PARD6G: variants seen among roughly 807,000 people sequenced by gnomAD.
PARD6G encodes the protein par-6 family cell polarity regulator gamma, also known as partitioning defective 6 homolog gamma.
Under a neutral mutation model 10.7 loss-of-function variants are expected in PARD6G, and 7 were observed. The observed-to-expected ratio is 0.66, with a 90% CI of 0.37 to 1.23. The LOEUF (loss-of-function observed/expected upper bound fraction) is 1.23. PARD6G is among the 50% of genes most tolerant of loss of function. The pLI is 0.02. For synonymous variants in PARD6G, 287 were observed against 269.4 expected (o/e 1.07, Z -0.64); for missense variants, 548 against 571.8 (o/e 0.96, Z 0.42).
At position 80,186,371 on chromosome 18, in the gene PARD6G, C is replaced by CCTCACACATGCTCGCACACCCT. The variant is rs111510906; in HGVS notation, c.295+16338_295+16339insAGGGTGTGCGAGCATGTGTGAG. Among the ~76,000 whole-genome samples, 60 of 131,218 alleles carry CCTCACACATGCTCGCACACCCT rather than the reference C, an allele frequency of 4.6e-4. 2 individuals carry two copies. The highest frequency in any genetic ancestry group is 7.9e-4 in the Non-Finnish European group (51 of 64,504). The allele number at this position is 131,218 out of a possible 152,430, so 86.1% of individuals were successfully genotyped here. On this transcript the variant is annotated intron_variant, in intron 2 of 2. Coordinates refer to ENST00000353265, the MANE Select transcript of PARD6G (RefSeq NM_032510.4). ...TGCACCCTCACACATGCTCGCACACCCACACATGCTCGCACACCCTCACAC... is the reference window on the plus strand; with the variant it reads ...TGCACCCTCACACATGCTCGCACACCCTCACACATGCTCGCACACCCTCACACATGCTCGCACACCCTCACAC...
intron 2 of PARD6G, among the ~76,000 whole-genome samples, chr18:80,179,822 T>C (rs1231702750): frequency 6.6e-6 from 1 of 152,238 alleles, no homozygotes; most frequent in African/African-American, 2.4e-5. Flanking sequence ...ACTGTTATTA[T>C]CAAAAGCAAA....
intron 1 of PARD6G, among the ~76,000 whole-genome samples, chr18:80,219,043 T>C (rs1967201226): frequency 6.6e-6 from 1 of 152,218 alleles, no homozygotes; most frequent in Non-Finnish European, 1.5e-5. Flanking sequence ...GAAACCACTT[T>C]TCTCTCCTAG....
intron 2 of PARD6G, among the ~76,000 whole-genome samples, chr18:80,197,085 C>T (rs1966964055): frequency 6.6e-6 from 1 of 152,074 alleles, no homozygotes; most frequent in African/African-American, 2.4e-5. Flanking sequence ...TCTTCCCTGC[C>T]CCCAAGAAAC....
intron 1 of PARD6G, among the ~76,000 whole-genome samples, chr18:80,221,103 G>C (rs1449170982): frequency 6.6e-6 from 1 of 151,970 alleles, no homozygotes; most frequent in Admixed American, 6.5e-5. Context: ...ACTTTTCTTA[G>C]TCCAGACCCA....
intron 1 of PARD6G, among the ~76,000 whole-genome samples, chr18:80,208,738 G>A (rs932430722): frequency 2.6e-5 from 4 of 151,504 alleles, no homozygotes; most frequent in African/African-American, 9.7e-5. Context: ...CCTTGTTTAT[G>A]TTAAAAAAAA....
Position 80,192,043 on chromosome 18 carries a change from A to C in PARD6G, c.295+10667T>G, listed in dbSNP as rs1435619043. 1.3e-5 allele frequency among the ~76,000 whole-genome samples: 2 copies of C among 152,202 alleles called. No homozygotes were observed. Among genetic ancestry groups the C allele is most frequent in the Admixed American group, 6.5e-5 (1 of 15,286 alleles). ...ACCTTGATGATTCTGAACATCAAAA[A>C]CGTGTACTTTCATGTTTTCAATGTA... On this transcript the variant is annotated intron_variant, in intron 2 of 2. Coordinates refer to ENST00000353265, the MANE Select transcript of PARD6G (RefSeq NM_032510.4). This position sits in a 1 kb window ranked among gnomAD's most constrained non-coding sequence, Gnocchi z 4.9.
At chr18:80,172,184 G>A (rs897597807) in intron 2 of PARD6G, among the ~76,000 whole-genome samples, 1 of 152,130 alleles carries the variant, frequency 6.6e-6, no homozygotes, top group Non-Finnish European at 1.5e-5. Context: ...CCACATTCTT[G>A]ACAATACTTG....
At position 80,159,135 on chromosome 18, in the gene PARD6G, GCC is replaced by G. The variant is rs2052676377; in HGVS notation, c.*634_*635del. Reference sequence around the variant, plus strand: ...TCCCAAGGTAGCTGGGATTACAGGCGCCTGCCACCACACCTGGCTAATTTTTA... The same window carrying G: ...TCCCAAGGTAGCTGGGATTACAGGCGTGCCACCACACCTGGCTAATTTTTA... On this transcript the variant is annotated 3_prime_UTR_variant, in exon 3 of 3. Transcript: ENST00000353265. 2.0e-5 allele frequency: 3 copies of G among 151,930 alleles called. No homozygotes were observed. Among genetic ancestry groups the G allele is most frequent in the African/African-American group, 7.3e-5 (3 of 41,338 alleles). The allele number at this position is 151,930 out of a possible 1,614,324, so 9.4% of individuals were successfully genotyped here.
chr18:80,191,548 A>C (rs1966897126), intron 2 of PARD6G, among the ~76,000 whole-genome samples: 1 of 152,212 alleles, frequency 6.6e-6, no homozygotes, highest in Admixed American at 6.5e-5. Flanking sequence ...CAGATGATAG[A>C]TTGCAGGCAG....
At chr18:80,194,400 C>T (rs1460393416) in intron 2 of PARD6G, among the ~76,000 whole-genome samples, 1 of 152,148 alleles carries the variant, frequency 6.6e-6, no homozygotes, top group Non-Finnish European at 1.5e-5. Context: ...CAATGTTTGA[C>T]CTTTCTTGAA....
Position 80,188,844 on chromosome 18 carries a change from G to A in PARD6G, c.295+13866C>T, listed in dbSNP as rs975863869. Among the ~76,000 whole-genome samples, 3 of 152,318 alleles carry A rather than the reference G, an allele frequency of 2.0e-5. No homozygotes were observed. Among genetic ancestry groups the A allele is most frequent in the Non-Finnish European group, 4.4e-5 (3 of 68,034 alleles). On this transcript the variant is annotated intron_variant, in intron 2 of 2. Transcript: ENST00000353265. This position sits in a 1 kb window ranked among gnomAD's most constrained non-coding sequence, Gnocchi z 5.4. ...AGATGGGCTTGCGGGGAAGTCAGGCGGGTGCAATCCCTACCGTTTCCCCAC... is the reference window on the plus strand; with the variant it reads ...AGATGGGCTTGCGGGGAAGTCAGGCAGGTGCAATCCCTACCGTTTCCCCAC...
At chr18:80,176,900 C>T (rs2052811127) in intron 2 of PARD6G, among the ~76,000 whole-genome samples, 1 of 151,986 alleles carries the variant, frequency 6.6e-6, no homozygotes, top group Non-Finnish European at 1.5e-5. Context: ...AGCACGCACA[C>T]ACACATACAC....
At chr18:80,239,941 G>A (rs1446174532) in intron 1 of PARD6G, among the ~76,000 whole-genome samples, 3 of 151,838 alleles carry the variant, frequency 2.0e-5, no homozygotes, top group Non-Finnish European at 2.9e-5. Context: ...GCTTCTGGCT[G>A]CTTCTACTCA....
At position 80,189,976 on chromosome 18, in the gene PARD6G, C is replaced by G. The variant is rs555611678; in HGVS notation, c.295+12734G>C. Among the ~76,000 whole-genome samples the G allele has an allele frequency of 6.6e-6, 1 of 152,146 alleles. No homozygotes were observed. The highest frequency in any genetic ancestry group is 2.4e-5 in the African/African-American group (1 of 41,416). On this transcript the variant is annotated intron_variant, in intron 2 of 2. Transcript: ENST00000353265. The surrounding 1 kb of genome is among the most constrained non-coding windows in gnomAD (Gnocchi z 5.5). Reference sequence around the variant, plus strand: ...CAGTGTTGTGTAACCACCACCACCACCTAATTCTGGAACACTTCATCACCC... The same window carrying G: ...CAGTGTTGTGTAACCACCACCACCAGCTAATTCTGGAACACTTCATCACCC...
intron 1 of PARD6G, among the ~76,000 whole-genome samples, chr18:80,219,050 C>G (rs1458145133): frequency 6.6e-6 from 1 of 152,242 alleles, no homozygotes; most frequent in Non-Finnish European, 1.5e-5. Context: ...CTTTTCTCTC[C>G]TAGGCCTCCA....
chr18:80,177,216 G>GCA (rs1491357384), intron 2 of PARD6G, among the ~76,000 whole-genome samples: 3 of 48,168 alleles, frequency 6.2e-5, no homozygotes, highest in African/African-American at 3.8e-4. Context: ...TAAATGGGAA[G>GCA]CGCACACACA....
chr18:80,199,657 T>C (rs1467227718), intron 2 of PARD6G, among the ~76,000 whole-genome samples: 1 of 152,180 alleles, frequency 6.6e-6, no homozygotes, highest in East Asian at 1.9e-4. Flanking sequence ...TTTTCTTTTT[T>C]TCTGAGACGG....
Position 80,224,824 on chromosome 18 carries a change from T to G in PARD6G, c.73-21892A>C, listed in dbSNP as rs375731071. Among the ~76,000 whole-genome samples the G allele has an allele frequency of 4.0e-4, 61 of 151,260 alleles. 1 individual carries two copies. The highest frequency in any genetic ancestry group is 8.0e-4 in the Admixed American group (12 of 15,082). On this transcript the variant is annotated intron_variant, in intron 1 of 2. Transcript: ENST00000353265. ...ATCGCGCCACTGCTCTCCAGCCTGG[T>G]CGACAGAGTGAGACTCCGTTTCAAA...
intron 2 of PARD6G, chr18:80,162,434 C>T (rs932552329): frequency 9.5e-5 from 16 of 168,170 alleles, no homozygotes; most frequent in Admixed American, 3.3e-4. Context: ...GCTGTGACCA[C>T]CGGGGCTGGG....
Sources: gnomAD v4.1 joint callset for allele counts (sites outside exome capture counted in the v4.1 genomes callset) on GRCh38, gnomAD v4.1.1 for gene constraint, Gnocchi (gnomAD v3.1) non-coding constraint, MANE v1.5 for transcripts, NCBI Gene and HGNC (gene_info 2026-07-23, HGNC 2026-07-21) for gene names.